ITPR3: variants seen among roughly 807,000 people sequenced by gnomAD.
The protein encoded by ITPR3 is inositol 1,4,5-trisphosphate-gated calcium channel ITPR3.
In ITPR3, 173 loss-of-function variants were observed where a neutral mutation model predicts 293.2. The ratio of observed to expected loss-of-function variants is 0.59; its 90% CI spans 0.52 to 0.67. ITPR3 has a LOEUF of 0.67. Ranked by LOEUF, ITPR3 falls within the 30% of genes least tolerant of loss-of-function variation. The probability of loss-of-function intolerance (pLI) is 0.00; values close to 1 mark genes in which losing one functional copy is unlikely to be tolerated. For missense variants in ITPR3, 2,796 were observed against 3,592.1 expected (o/e 0.78, Z 5.66); for synonymous variants, 1,295 against 1,444.4 (o/e 0.90, Z 2.35).
intron 1 of ITPR3, among the ~76,000 whole-genome samples, chr6:33,630,319 A>G (rs774787672): frequency 7.2e-5 from 11 of 152,118 alleles, no homozygotes; most frequent in African/African-American, 1.4e-4. Flanking sequence ...GGAGGTTTGG[A>G]GCCAGGGCGA....
Position 33,667,710 on chromosome 6 carries a change from T to C in ITPR3, c.1714-82T>C. 1 of 1,511,076 alleles carries C rather than the reference T, an allele frequency of 6.6e-7. No individual in the cohort carries two copies. Among genetic ancestry groups the C allele is most frequent in the South Asian group, 1.2e-5 (1 of 82,274 alleles). 93.6% of individuals were successfully genotyped at this position (1,511,076 alleles called of 1,614,324 possible). A position where few individuals can be genotyped will look rare whatever the true frequency, so the allele number is the denominator to read the frequency against. On this transcript the variant is annotated intron_variant, in intron 15 of 57. Coordinates refer to ENST00000605930, the MANE Select transcript of ITPR3 (RefSeq NM_002224.4). The surrounding 1 kb of genome is among the most constrained non-coding windows in gnomAD (Gnocchi z 4.4). ...GGGTATTGGGTCCTTACCTCGGGGTTTGGGGGCAGCGTTCCAGAGCAGAGC... is the reference window on the plus strand; with the variant it reads ...GGGTATTGGGTCCTTACCTCGGGGTCTGGGGGCAGCGTTCCAGAGCAGAGC...
Position 33,665,064 on chromosome 6 carries a change from C to A in ITPR3, c.1260C>A (p.Cys420Ter). The change falls in exon 13 of 58, where the codon TGC becomes TGA. Residue 420 changes from cysteine (C) to a stop codon, truncating the protein, a stop_gained. Coordinates refer to ENST00000605930, the MANE Select transcript of ITPR3 (RefSeq NM_002224.4). LOFTEE classifies it high-confidence loss of function. Reference protein sequence around the residue: ...ERPIRLMLGTCPTKEDKEAFA... With the variant: ...ERPIRLMLGT ...CCCTGTCTCTGCAGCTGGGCACCTG[C>A]CCCACCAAGGAGGACAAGGAGGCCT... The A allele has an allele frequency of 6.2e-7, 1 of 1,613,832 alleles. No homozygotes were observed.
intron 40 of ITPR3, 53 bp from the exon 41 acceptor site, chr6:33,685,589 AG>A (rs991338447): frequency 3.1e-6 from 5 of 1,594,224 alleles, no homozygotes; most frequent in East Asian, 2.2e-5. Context: ...TAAGATGTGC[AG>A]GGGGGTGGCC....
At position 33,682,004 on chromosome 6, in the gene ITPR3, C is replaced by T. The variant is rs1377114609; in HGVS notation, c.4477-520C>T. ...TCAAGCAATTCTCCAGCCTCAGCCT[C>T]CTGAGTAGCTGGGATTATAGGCACC... On this transcript the variant is annotated intron_variant, in intron 33 of 57. Coordinates refer to ENST00000605930, the MANE Select transcript of ITPR3 (RefSeq NM_002224.4). This position sits in a 1 kb window ranked among gnomAD's most constrained non-coding sequence, Gnocchi z 5.4. 6.6e-6 allele frequency among the ~76,000 whole-genome samples: 1 copy of T among 152,024 alleles called. No individual in the cohort carries two copies.
chr6:33,622,278 C>G (rs1450582712), intron 1 of ITPR3, among the ~76,000 whole-genome samples: 2 of 152,194 alleles, frequency 1.3e-5, no homozygotes, highest in African/African-American at 4.8e-5. Flanking sequence ...CATTCAATTT[C>G]CTGCGCCGGT....
At position 33,685,368 on chromosome 6, in the gene ITPR3, C is replaced by T. The variant is rs780949992; in HGVS notation, c.5317C>T (p.His1773Tyr). 1.4e-5 allele frequency: 22 copies of T among 1,611,072 alleles called. No individual in the cohort carries two copies. Among genetic ancestry groups the T allele is most frequent in the Non-Finnish European group, 1.5e-5 (18 of 1,177,458 alleles). The change falls in exon 40 of 58, where the codon CAC (histidine) becomes TAC (tyrosine). Residue 1773 changes from histidine (H) to tyrosine (Y), a missense_variant. Transcript: ENST00000605930. ...GGNTEIQKSF[H>Y]NLMMSDKKSE... ...CACTGTCCACCTCCAGAAATCCTTC[C>T]ACAACCTGATGATGAGTGACAAGAA...
Position 33,664,625 on chromosome 6 carries a change from C to T in ITPR3, c.1149-245C>T, listed in dbSNP as rs934259003. Among the ~76,000 whole-genome samples the T allele has an allele frequency of 2.0e-5, 3 of 152,154 alleles. No homozygotes were observed. The highest frequency in any genetic ancestry group is 7.2e-5 in the African/African-American group (3 of 41,434). On this transcript the variant is annotated intron_variant, in intron 11 of 57. Transcript: ENST00000605930. This position sits in a 1 kb window ranked among gnomAD's most constrained non-coding sequence, Gnocchi z 4.4. ...TACAAACAAGCTTTGGTTTTGGAAG[C>T]GTGGACAAGGCTGCCCGTGTCAGTG...
rs1765409989 is a variant in ITPR3, at chr6:33,692,072, T to C, written c.7458+144T>C. ...GAACTTGTATCCACTTTTCCCTGCT[T>C]TCCACACCTGGCCAATTCCATGATA... On this transcript the variant is annotated intron_variant, in intron 54 of 57. Coordinates refer to ENST00000605930, the MANE Select transcript of ITPR3 (RefSeq NM_002224.4). This position sits in a 1 kb window ranked among gnomAD's most constrained non-coding sequence, Gnocchi z 4.2. 9.5e-7 allele frequency: 1 copy of C among 1,057,764 alleles called. No individual in the cohort carries two copies. 65.5% of individuals were successfully genotyped at this position (1,057,764 alleles called of 1,614,324 possible).
intron 30 of ITPR3, 47 bp downstream of exon 30, chr6:33,678,886 C>T (rs370121623): frequency 2.8e-5 from 44 of 1,564,582 alleles, no homozygotes; most frequent in Admixed American, 1.1e-4. Context: ...GGTGGGGGAC[C>T]GGAGCAGAGG....
intron 7 of ITPR3, among the ~76,000 whole-genome samples, chr6:33,660,496 C>G (rs1409699453): frequency 6.6e-6 from 1 of 152,102 alleles, no homozygotes; most frequent in Non-Finnish European, 1.5e-5. Context: ...CTACCCATGC[C>G]CTGCCCCAAT....
chr6:33,666,076 A>T lies in ITPR3; in HGVS notation c.1551+100A>T. On this transcript the variant is annotated intron_variant, in intron 14 of 57. Coordinates refer to ENST00000605930, the MANE Select transcript of ITPR3 (RefSeq NM_002224.4). The surrounding 1 kb of genome is among the most constrained non-coding windows in gnomAD (Gnocchi z 5.1). ...CCCCCGCTTTAACAAAAATCAGTAT[A>T]TATGGGGCACGACCACGTGCCAGGG... 1 of 1,402,982 alleles carries T rather than the reference A, an allele frequency of 7.1e-7. No individual in the cohort carries two copies. The highest frequency in any genetic ancestry group is 9.6e-7 in the Non-Finnish European group (1 of 1,036,930). 86.9% of individuals were successfully genotyped at this position (1,402,982 alleles called of 1,614,324 possible).
intron 7 of ITPR3, among the ~76,000 whole-genome samples, chr6:33,660,207 G>A (rs1764427062): frequency 6.6e-6 from 1 of 152,134 alleles, no homozygotes. Context: ...CAGACGGGGT[G>A]TAGACGGTCT....
In ITPR3 at chr6:33,658,855, G is replaced by GC; in HGVS notation, c.528+29dup. The stretch of plus-strand genomic sequence containing the variant: ...TGAGGGCAGGGCCAGGGTTGGAGGG[G>GC]CCTGGTGGAACTCCCGAGGGGCTTC... On this transcript the variant is annotated intron_variant, in intron 5 of 57. Coordinates refer to ENST00000605930, the MANE Select transcript of ITPR3 (RefSeq NM_002224.4). This position sits in a 1 kb window ranked among gnomAD's most constrained non-coding sequence, Gnocchi z 6.1. The GC allele has an allele frequency of 6.2e-7, 1 of 1,612,854 alleles. No homozygotes were observed. The highest frequency in any genetic ancestry group is 8.5e-7 in the Non-Finnish European group (1 of 1,179,210).
At chr6:33,640,294 G>A (rs1020450562) in intron 1 of ITPR3, among the ~76,000 whole-genome samples, 190 bp from the exon 2 acceptor site, 4 of 152,098 alleles carry the variant, frequency 2.6e-5, no homozygotes, top group African/African-American at 4.8e-5. Flanking sequence ...GGTTCTCCCC[G>A]CCCCCAAGAG....
chr6:33,688,582 C>T lies in ITPR3; in HGVS notation c.6569-74C>T, dbSNP rs573705485. ...CTTCCATGTGTGGCTTCCTCCTGAG[C>T]GGGGCCCCACATGCAAGGGGCAGGG... On this transcript the variant is annotated intron_variant, in intron 48 of 57. Coordinates refer to ENST00000605930, the MANE Select transcript of ITPR3 (RefSeq NM_002224.4). The T allele has an allele frequency of 9.3e-4, 1,472 of 1,588,942 alleles. 2 individuals are homozygous for T. Among genetic ancestry groups the T allele is most frequent in the Non-Finnish European group, 1.2e-3 (1,350 of 1,168,192 alleles).
intron 2 of ITPR3, among the ~76,000 whole-genome samples, chr6:33,653,980 A>G (rs1764250527): frequency 6.6e-6 from 1 of 151,780 alleles, no homozygotes; most frequent in African/African-American, 2.4e-5. Flanking sequence ...ATAAAGATGC[A>G]CTCTCTGCCG....
rs749769963 is a variant in ITPR3 at position 33,664,920 on chromosome 6, G to A, written c.1199G>A (p.Ser400Asn). ...RHLCTNTWIQSTNVPIDIEEE... is the reference protein window; with the variant it reads ...RHLCTNTWIQNTNVPIDIEEE... Reference sequence around the variant, plus strand: ...CTCTGCACCAACACGTGGATTCAGAGCACCAATGTGCCCATTGACATCGAG... The same window carrying A: ...CTCTGCACCAACACGTGGATTCAGAACACCAATGTGCCCATTGACATCGAG... Residue 400 changes from serine to asparagine, a missense_variant, in exon 12 of 58, where the codon AGC (serine) becomes AAC (asparagine). Transcript: ENST00000605930. The surrounding 1 kb of genome is among the most constrained non-coding windows in gnomAD (Gnocchi z 4.4). 3.7e-6 allele frequency: 6 copies of A among 1,601,918 alleles called. No individual in the cohort carries two copies. In the Admixed American group the frequency reaches 6.7e-5, roughly 18 times the overall value.
Position 33,682,458 on chromosome 6 carries a change from C to G in ITPR3, c.4477-66C>G. On this transcript the variant is annotated intron_variant, in intron 33 of 57. Transcript: ENST00000605930. This position sits in a 1 kb window ranked among gnomAD's most constrained non-coding sequence, Gnocchi z 5.4. ...TGCCCATTCTGATTGGGCCCTGGTT[C>G]CTGGACCTGGGGTTGCCCAGGGTGG... 6.8e-7 allele frequency: 1 copy of G among 1,460,074 alleles called. No individual in the cohort carries two copies. Among genetic ancestry groups the G allele is most frequent in the Non-Finnish European group, 9.0e-7 (1 of 1,107,660 alleles). 90.4% of individuals were successfully genotyped at this position (1,460,074 alleles called of 1,614,324 possible).
In ITPR3 at chr6:33,621,597, G is replaced by A. The variant is rs1266220307; in HGVS notation, c.-6G>A. The A allele has an allele frequency of 1.3e-6, 2 of 1,585,730 alleles. No individual in the cohort carries two copies. The highest frequency in any genetic ancestry group is 8.6e-7 in the Non-Finnish European group (1 of 1,165,438). On this transcript the variant is annotated 5_prime_UTR_variant, in exon 1 of 58. Coordinates refer to ENST00000605930, the MANE Select transcript of ITPR3 (RefSeq NM_002224.4). The surrounding 1 kb of genome is among the most constrained non-coding windows in gnomAD (Gnocchi z 7.7). The stretch of plus-strand genomic sequence containing the variant: ...CCCACGCCCTGGGCCCCGGAGGGCC[G>A]CAGCCATGAGTGAAATGTCCAGCTT...
Sources: allele counts gnomAD v4.1 joint callset (sites outside exome capture counted in the v4.1 genomes callset), GRCh38; gene constraint gnomAD v4.1.1; non-coding constraint Gnocchi (gnomAD v3.1); transcripts MANE v1.5; gene names NCBI Gene and HGNC (gene_info 2026-07-23, HGNC 2026-07-21).